Variants in SLC47A1 observed in about 807,000 individuals in gnomAD.
SLC47A1 encodes the protein multidrug and toxin extrusion protein 1.
In SLC47A1, 58 loss-of-function variants were observed where a neutral mutation model predicts 65.8. The ratio of observed to expected loss-of-function variants is 0.88; its 90% CI spans 0.71 to 1.10. The LOEUF (loss-of-function observed/expected upper bound fraction) is 1.10, where lower values mean the gene tolerates loss of function less well. SLC47A1 is among the 50% of genes least tolerant of loss of function. SLC47A1 has a pLI of 0.00. For synonymous variants in SLC47A1, 285 were observed against 295.0 expected (o/e 0.97, Z 0.35); for missense variants, 706 against 719.2 (o/e 0.98, Z 0.21).
At chr17:19,558,366 C>CTGTG (rs1447114736) in intron 10 of SLC47A1, among the ~76,000 whole-genome samples, 10 of 152,268 alleles carry the variant, frequency 6.6e-5, no homozygotes, top group African/African-American at 1.9e-4. Context: ...AGAAGTGATG[C>CTGTG]TGTGTCCTTC....
intron 1 of SLC47A1, among the ~76,000 whole-genome samples, chr17:19,539,868 C>T (rs970067309): frequency 1.3e-5 from 2 of 152,198 alleles, no homozygotes; most frequent in South Asian, 2.1e-4. Flanking sequence ...TATGGCCAAG[C>T]GTTCACCCAA....
intron 6 of SLC47A1, among the ~76,000 whole-genome samples, chr17:19,552,849 C>T (rs1291205930): frequency 1.3e-5 from 2 of 152,224 alleles, no homozygotes; most frequent in South Asian, 2.1e-4. Context: ...CATCGAGAGG[C>T]GGGCTGGCCC....
At chr17:19,562,922 G>C (rs1480168893) in intron 12 of SLC47A1, among the ~76,000 whole-genome samples, 1 of 151,956 alleles carries the variant, frequency 6.6e-6, no homozygotes, top group Non-Finnish European at 1.5e-5. Context: ...GGCGGGAAAC[G>C]GCACCTCTAA....
chr17:19,540,784 T>C (rs1916121788), intron 1 of SLC47A1, among the ~76,000 whole-genome samples: 1 of 151,506 alleles, frequency 6.6e-6, no homozygotes, highest in Non-Finnish European at 1.5e-5. Flanking sequence ...TAGGCTTCTG[T>C]GGTAGTGAGA....
At chr17:19,576,165 G>A (rs980250560) in intron 16 of SLC47A1, among the ~76,000 whole-genome samples, 1 of 151,186 alleles carries the variant, frequency 6.6e-6, no homozygotes, top group African/African-American at 2.4e-5. Flanking sequence ...TTATGTAGAT[G>A]GGGAAAAGTC....
Position 19,578,222 on chromosome 17 carries a change from G to C in SLC47A1, c.*669G>C. ...CTGAAAAACAGTTGGGAAATCTTTC[G>C]AGCTGTGGAAATCCAAACAAAGACT... is the stretch of plus-strand genomic sequence containing the variant. On this transcript the variant is annotated 3_prime_UTR_variant, in exon 17 of 17. Coordinates refer to ENST00000270570, the MANE Select transcript of SLC47A1 (RefSeq NM_018242.3). 1 of 350,276 alleles carries C rather than the reference G, an allele frequency of 2.9e-6. No individual in the cohort carries two copies. The highest frequency in any genetic ancestry group is 2.1e-5 in the South Asian group (1 of 47,044). 21.7% of individuals were successfully genotyped at this position (350,276 alleles called of 1,614,324 possible).
intron 1 of SLC47A1, 40 bp downstream of exon 1, chr17:19,534,114 G>A (rs1288762756): frequency 2.0e-6 from 3 of 1,483,362 alleles, no homozygotes; most frequent in African/African-American, 2.9e-5. Context: ...GTACCGGCGG[G>A]CTGGGGACCT....
At chr17:19,542,523 C>T (rs1402252338) in intron 2 of SLC47A1, 29 bp downstream of exon 2, 77 of 1,554,900 alleles carry the variant, frequency 5.0e-5, no homozygotes, top group Non-Finnish European at 6.5e-5. Context: ...GCAGGTTTAC[C>T]AACACTGTCT....
Position 19,555,868 on chromosome 17 carries a change from G to A in SLC47A1, c.812G>A (p.Cys271Tyr). 1.2e-6 allele frequency: 2 copies of A among 1,613,926 alleles called. No individual in the cohort carries two copies. Among genetic ancestry groups the A allele is most frequent in the Non-Finnish European group, 8.5e-7 (1 of 1,180,026 alleles). The change falls in exon 9 of 17, where the codon TGC becomes TAC. Residue 271 changes from cysteine to tyrosine, a missense_variant. Cys to Tyr is a radical substitution (Grantham distance 194, BLOSUM62 -2). Coordinates refer to ENST00000270570, the MANE Select transcript of SLC47A1 (RefSeq NM_018242.3). The stretch of plus-strand genomic sequence containing the variant: ...GCCATCCCCAGCATGCTCATGCTGT[G>A]CATGGAGTGGTGGGCCTATGAGGTC... The part of the protein sequence containing the change: ...RLAIPSMLML[C>Y]MEWWAYEVGS...
intron 16 of SLC47A1, among the ~76,000 whole-genome samples, chr17:19,576,989 T>C (rs1167456502): frequency 1.3e-5 from 2 of 152,150 alleles, no homozygotes; most frequent in Non-Finnish European, 2.9e-5. Flanking sequence ...TCAGGTGATC[T>C]GCCTGCCTCA....
At chr17:19,547,711 G>A (rs952808974) in intron 3 of SLC47A1, among the ~76,000 whole-genome samples, 11 of 141,364 alleles carry the variant, frequency 7.8e-5, no homozygotes, top group Admixed American at 1.5e-4. Flanking sequence ...TAGGGCCATG[G>A]GCTTCTTTTT....
Position 19,577,692 on chromosome 17 carries a change from A to AT in SLC47A1, c.*144dup. 3.4e-6 allele frequency: 5 copies of AT among 1,454,720 alleles called. No homozygotes were observed. Among genetic ancestry groups the AT allele is most frequent in the Non-Finnish European group, 4.5e-6 (5 of 1,111,114 alleles). The allele number at this position is 1,454,720 out of a possible 1,614,324, so 90.1% of individuals were successfully genotyped here. On this transcript the variant is annotated 3_prime_UTR_variant, in exon 17 of 17. Coordinates refer to ENST00000270570, the MANE Select transcript of SLC47A1 (RefSeq NM_018242.3). ...TTGAGGGCTGGAAATGCAAAGACAC[A>AT]TTTTTCTATAAAAAGAAAAAGCAAC... is the stretch of plus-strand genomic sequence containing the variant.
At chr17:19,563,857 C>T (rs1367190385) in intron 12 of SLC47A1, among the ~76,000 whole-genome samples, 1 of 151,968 alleles carries the variant, frequency 6.6e-6, no homozygotes, top group Non-Finnish European at 1.5e-5. Context: ...GGCGTGGTGG[C>T]ACGCACCTGT....
At chr17:19,560,942 GT>G (rs902647616) in intron 12 of SLC47A1, among the ~76,000 whole-genome samples, 15 of 151,352 alleles carry the variant, frequency 9.9e-5, no homozygotes, top group African/African-American at 3.4e-4. Context: ...AGCAGAAAAA[GT>G]TTTTTAAAAC....
chr17:19,545,322 G>A (rs1916257375), intron 2 of SLC47A1, among the ~76,000 whole-genome samples: 1 of 151,678 alleles, frequency 6.6e-6, no homozygotes, highest in East Asian at 1.9e-4. Flanking sequence ...AGCCTCCTGA[G>A]TAGCTGGGAA....
Position 19,577,625 on chromosome 17 carries a change from A to C in SLC47A1, c.*72A>C, listed in dbSNP as rs1217894073. 1 of 1,592,496 alleles carries C rather than the reference A, an allele frequency of 6.3e-7. No homozygotes were observed. The highest frequency in any genetic ancestry group is 8.6e-7 in the Non-Finnish European group (1 of 1,168,812). On this transcript the variant is annotated 3_prime_UTR_variant, in exon 17 of 17. Transcript: ENST00000270570. ...CACAATTCACAGGCCCACCAGTGAC[A>C]ATTTACTGTGAGTTAATGTCATTCA...
At chr17:19,534,662 G>C (rs1318215378) in intron 1 of SLC47A1, 2 of 152,200 alleles carry the variant, frequency 1.3e-5, no homozygotes, top group Non-Finnish European at 2.9e-5. Context: ...GAGGAAACCA[G>C]AGGCATCCTG....
chr17:19,565,835 C>A (rs2084353179), intron 12 of SLC47A1, among the ~76,000 whole-genome samples: 1 of 152,106 alleles, frequency 6.6e-6, no homozygotes, highest in Non-Finnish European at 1.5e-5. Context: ...CCCGCCTCGG[C>A]CTCCCAAAGT....
At chr17:19,569,214 A>T (rs995190836) in intron 14 of SLC47A1, among the ~76,000 whole-genome samples, 1 of 151,872 alleles carries the variant, frequency 6.6e-6, no homozygotes, top group Non-Finnish European at 1.5e-5. Context: ...TCTACTAAAA[A>T]TACAAAAATT....
Sources: gnomAD v4.1 joint callset for allele counts (sites outside exome capture counted in the v4.1 genomes callset) on GRCh38, gnomAD v4.1.1 for gene constraint, MANE v1.5 for transcripts, NCBI Gene and HGNC (gene_info 2026-07-23, HGNC 2026-07-21) for gene names.